Variants in CDH15 observed in about 807,000 individuals in gnomAD.
The protein encoded by CDH15 is cadherin-15.
CDH15 carries 73 observed loss-of-function variants against 69.4 expected under a neutral mutation model. That is an observed-to-expected ratio of 1.05 (90% CI 0.87 to 1.28). CDH15 has a LOEUF of 1.28. CDH15 is among the 50% of genes most tolerant of loss of function. The pLI, the probability that CDH15 is intolerant of heterozygous loss-of-function variation, is 0.00. For synonymous variants in CDH15, 624 were observed against 507.7 expected (o/e 1.23, Z -3.08); for missense variants, 1,343 against 1,133.6 (o/e 1.18, Z -2.65).
chr16:89,188,944 A>G (rs1037009729), intron 7 of CDH15, among the ~76,000 whole-genome samples: 1 of 135,372 alleles, frequency 7.4e-6, no homozygotes, highest in African/African-American at 2.8e-5. Flanking sequence ...AGATGCCCAC[A>G]CTGTCCACAC....
chr16:89,191,343 T>A lies in CDH15; in HGVS notation c.1246T>A (p.Tyr416Asn). 6.2e-7 allele frequency: 1 copy of A among 1,612,786 alleles called. No homozygotes were observed. The highest frequency in any genetic ancestry group is 1.1e-5 in the South Asian group (1 of 91,084). Residue 416 changes from tyrosine to asparagine, a missense_variant, in exon 9 of 14, where the codon TAC becomes AAC. By Grantham distance (143) the Tyr-to-Asn change is moderately radical. Transcript: ENST00000289746. ...CCCCTGCATCAGCTACTCCAAGGAC[T>A]ACGACCCGGAAGACTGGCTGCAAGT... is the stretch of plus-strand genomic sequence containing the variant. ...QLQRLSYSKD[Y>N]DPEDWLQVDA...
At position 89,192,293 on chromosome 16, in the gene CDH15, C is replaced by G. The variant is rs781167124; in HGVS notation, c.1704C>G (p.Pro568=). The stretch of plus-strand genomic sequence containing the variant: ...TGCTCCGGGACTCGGGGCAGCCGCC[C>G]CAGCAGCGCGAGCAGCCTCTGAACG... The part of the protein sequence containing the change: ...SLLLRDSGQP[P]QQREQPLNVT... Residue 568 remains proline (P), a synonymous_variant, in exon 11 of 14, where the codon CCC becomes CCG. Coordinates refer to ENST00000289746, the MANE Select transcript of CDH15 (RefSeq NM_004933.3). The G allele has an allele frequency of 4.2e-5, 64 of 1,532,362 alleles. No individual in the cohort carries two copies. In the East Asian group the frequency reaches 6.1e-4, roughly 15 times the overall value. The allele number at this position is 1,532,362 out of a possible 1,614,324, so 94.9% of individuals were successfully genotyped here.
At chr16:89,187,962 G>A (rs570046512) in intron 6 of CDH15, 138 bp from the exon 7 acceptor site, 9 of 781,358 alleles carry the variant, frequency 1.2e-5, no homozygotes, top group African/African-American at 3.7e-5. Context: ...GAGCAGCTTC[G>A]ACAGGAGCAA....
At chr16:89,190,175 C>A (rs1388660442) in intron 7 of CDH15, 68 bp from the exon 8 acceptor site, 9 of 1,576,044 alleles carry the variant, frequency 5.7e-6, no homozygotes, top group Non-Finnish European at 7.8e-6. Context: ...GTGGCTCCCC[C>A]ATGGCACCTG....
At chr16:89,194,480 A>T (rs1487156176) in intron 13 of CDH15, among the ~76,000 whole-genome samples, 1 of 152,144 alleles carries the variant, frequency 6.6e-6, no homozygotes, top group Non-Finnish European at 1.5e-5. Flanking sequence ...AGAGCCTCCG[A>T]AAGGCAGACG....
intron 7 of CDH15, 31 bp downstream of exon 7, chr16:89,188,316 C>T (rs369615739): frequency 2.9e-5 from 46 of 1,598,222 alleles, no homozygotes; most frequent in Admixed American, 2.4e-4. Flanking sequence ...ACACAGATGC[C>T]GGCAGACGCA....
chr16:89,190,088 T>C (rs1449464020), intron 7 of CDH15, among the ~76,000 whole-genome samples, 155 bp from the exon 8 acceptor site: 1 of 152,248 alleles, frequency 6.6e-6, no homozygotes, highest in Non-Finnish European at 1.5e-5. Flanking sequence ...TTGTGCCTTC[T>C]TGTCCTGCAT....
intron 10 of CDH15, 64 bp downstream of exon 10, chr16:89,191,958 C>T: frequency 6.9e-7 from 1 of 1,453,782 alleles, no homozygotes; most frequent in South Asian, 1.3e-5. Flanking sequence ...ACATTCCGGC[C>T]TCGGACGGGG....
intron 7 of CDH15, among the ~76,000 whole-genome samples, chr16:89,189,803 T>G (rs1915596804): frequency 6.6e-6 from 1 of 152,300 alleles, no homozygotes; most frequent in African/African-American, 2.4e-5. Context: ...GGTGCTGGGG[T>G]CTGGCTGGGC....
At chr16:89,192,146 G>A in intron 10 of CDH15, 59 bp from the exon 11 acceptor site, 1 of 1,477,722 alleles carries the variant, frequency 6.8e-7, no homozygotes, top group Non-Finnish European at 8.9e-7. Context: ...GCGCGAGGAG[G>A]GCAGGCGAAG....
chr16:89,180,507 G>A (rs757615846), intron 3 of CDH15, 152 bp downstream of exon 3: 4 of 917,756 alleles, frequency 4.4e-6, no homozygotes, highest in Non-Finnish European at 6.9e-6. Flanking sequence ...GCAGGTACAG[G>A]GGTTTGGGAC....
At chr16:89,186,933 C>T (rs1915503717) in intron 5 of CDH15, among the ~76,000 whole-genome samples, 1 of 148,248 alleles carries the variant, frequency 6.7e-6, no homozygotes, top group Non-Finnish European at 1.5e-5. Context: ...GCTTACCCAG[C>T]ACACAGTAGG....
intron 5 of CDH15, among the ~76,000 whole-genome samples, chr16:89,186,406 C>T (rs76266026): frequency 5.3e-5 from 6 of 113,128 alleles, no homozygotes; most frequent in African/African-American, 7.4e-5. Context: ...GCTCTGTAAA[C>T]GCTCACCCAG....
chr16:89,184,337 G>T (rs1915436319), intron 4 of CDH15, among the ~76,000 whole-genome samples: 1 of 152,194 alleles, frequency 6.6e-6, no homozygotes, highest in Non-Finnish European at 1.5e-5. Context: ...GCCAGGAGCT[G>T]CTCCCCAGGG....
rs763288948 is a variant in CDH15, at chr16:89,193,499, C to T, written c.1885C>T (p.Arg629Trp). The T allele has an allele frequency of 6.2e-7, 1 of 1,611,832 alleles. No individual in the cohort carries two copies. Among genetic ancestry groups the T allele is most frequent in the African/African-American group, 1.3e-5 (1 of 74,814 alleles). ...VLVLLVALRA[R>W]FWKQSRGKGL... Reference sequence around the variant, plus strand: ...GGTCCTGCTCGTGGCACTCCGGGCGCGGTTCTGGAAGCAGTCTCGGGGCAA... The same window carrying T: ...GGTCCTGCTCGTGGCACTCCGGGCGTGGTTCTGGAAGCAGTCTCGGGGCAA... Residue 629 changes from arginine (R) to tryptophan (W), a missense_variant, in exon 12 of 14, where the codon CGG becomes TGG. Arg to Trp is a moderately radical substitution (Grantham distance 101). Transcript: ENST00000289746.
At chr16:89,179,849 C>T (rs1007601374) in intron 2 of CDH15, among the ~76,000 whole-genome samples, 18 of 152,234 alleles carry the variant, frequency 1.2e-4, no homozygotes, top group East Asian at 3.9e-4. Flanking sequence ...GCTGCACGCT[C>T]GGGCGTGATT....
Position 89,195,328 on chromosome 16 carries a change from G to T in CDH15, c.*173G>T. ...TGAGTGTGGATGGGGCGGCCAGGAAGAGGCCCCTTCCTGCCGGGGTGGGAA... is the reference window on the plus strand; with the variant it reads ...TGAGTGTGGATGGGGCGGCCAGGAATAGGCCCCTTCCTGCCGGGGTGGGAA... On this transcript the variant is annotated 3_prime_UTR_variant, in exon 14 of 14. Coordinates refer to ENST00000289746, the MANE Select transcript of CDH15 (RefSeq NM_004933.3). The T allele has an allele frequency of 1.5e-6, 1 of 669,394 alleles. No individual in the cohort carries two copies. The highest frequency in any genetic ancestry group is 2.5e-6 in the Non-Finnish European group (1 of 406,860). 41.5% of individuals were successfully genotyped at this position (669,394 alleles called of 1,614,324 possible).
At chr16:89,190,538 G>T (rs189881716) in intron 8 of CDH15, 42 bp downstream of exon 8, 8 of 1,562,210 alleles carry the variant, frequency 5.1e-6, no homozygotes, top group Non-Finnish European at 6.9e-6. Context: ...GGAGGCTAAC[G>T]GCCCCATTCC....
intron 1 of CDH15, among the ~76,000 whole-genome samples, chr16:89,178,251 G>A (rs919810584): frequency 2.0e-4 from 31 of 152,126 alleles, no homozygotes; most frequent in African/African-American, 7.5e-4. Context: ...CCGGCCTGAG[G>A]GTCGTCCCGG....
Sources: allele counts gnomAD v4.1 joint callset (sites outside exome capture counted in the v4.1 genomes callset), GRCh38; gene constraint gnomAD v4.1.1; transcripts MANE v1.5; gene names NCBI Gene and HGNC (gene_info 2026-07-23, HGNC 2026-07-21).